The following CAMKMT variants were observed in gnomAD, a reference collection of about 807,000 sequenced individuals.
CAMKMT encodes calmodulin-lysine N-methyltransferase, also known as CaM KMT.
In CAMKMT, 53 loss-of-function variants were observed where a neutral mutation model predicts 48.0. The observed-to-expected ratio is 1.10, with a 90% CI of 0.89 to 1.39. The LOEUF (loss-of-function observed/expected upper bound fraction) is 1.39, where lower values mean the gene tolerates loss of function less well. CAMKMT is among the 40% of genes most tolerant of loss of function. The pLI is 0.00. For synonymous variants in CAMKMT, 165 were observed against 152.3 expected (o/e 1.08, Z -0.61); for missense variants, 428 against 402.7 (o/e 1.06, Z -0.54).
chr2:44,728,466 A>G (rs138792389), intron 7 of CAMKMT, among the ~76,000 whole-genome samples: 6 of 152,188 alleles, frequency 3.9e-5, no homozygotes, highest in African/African-American at 9.6e-5. Context: ...CTCCTCCTCA[A>G]TTTTTTGGAA....
intron 3 of CAMKMT, among the ~76,000 whole-genome samples, chr2:44,442,198 G>A (rs1331381942): frequency 2.0e-5 from 3 of 152,162 alleles, no homozygotes; most frequent in African/African-American, 7.2e-5. Context: ...GAATGAAAGA[G>A]AAGTATGTAT....
chr2:44,692,980 C>T (rs1317127329), intron 3 of CAMKMT, among the ~76,000 whole-genome samples: 2 of 152,164 alleles, frequency 1.3e-5, no homozygotes, highest in African/African-American at 4.8e-5. Context: ...CTTATTCATG[C>T]CATAAACCTA....
At chr2:44,615,710 G>A (rs933492316) in intron 3 of CAMKMT, among the ~76,000 whole-genome samples, 4 of 152,132 alleles carry the variant, frequency 2.6e-5, no homozygotes, top group African/African-American at 9.7e-5. Context: ...GTATTGTAAT[G>A]TGTTTTTTTA....
chr2:44,701,927 A>G (rs1286464874), intron 3 of CAMKMT, among the ~76,000 whole-genome samples: 1 of 152,130 alleles, frequency 6.6e-6, no homozygotes, highest in African/African-American at 2.4e-5. Context: ...GACGTCCAAA[A>G]TGTTAACAGT....
chr2:44,494,494 G>C (rs916230440), intron 3 of CAMKMT, among the ~76,000 whole-genome samples: 1 of 152,116 alleles, frequency 6.6e-6, no homozygotes, highest in Non-Finnish European at 1.5e-5. Context: ...CTGTTGCTAA[G>C]GGATAATGGT....
chr2:44,530,984 G>C (rs537038276), intron 3 of CAMKMT, among the ~76,000 whole-genome samples: 2 of 151,914 alleles, frequency 1.3e-5, no homozygotes, highest in Admixed American at 6.6e-5. Flanking sequence ...ATATGAACTT[G>C]CTGGGAGTCT....
At chr2:44,593,532 G>A (rs72882926) in intron 3 of CAMKMT, among the ~76,000 whole-genome samples, 2,170 of 152,160 alleles carry the variant, frequency 0.014, 43 homozygotes, top group African/African-American at 0.044. Context: ...GCCACAGCCC[G>A]GAATCTCTCT....
intron 3 of CAMKMT, among the ~76,000 whole-genome samples, chr2:44,446,069 A>T (rs1377817384): frequency 2.6e-5 from 4 of 152,034 alleles, no homozygotes; most frequent in African/African-American, 4.8e-5. Context: ...AGGGGTCGCT[A>T]GAGAACCTCT....
chr2:44,541,763 T>C (rs1181702175), intron 3 of CAMKMT, among the ~76,000 whole-genome samples: 1 of 145,766 alleles, frequency 6.9e-6, no homozygotes, highest in Admixed American at 6.9e-5. Context: ...AGAGTGAAAC[T>C]CTGTCTCAAA....
intron 3 of CAMKMT, among the ~76,000 whole-genome samples, chr2:44,619,361 G>C (rs1672054206): frequency 1.3e-5 from 2 of 152,188 alleles, no homozygotes; most frequent in South Asian, 2.1e-4. Flanking sequence ...TTGGTATTTA[G>C]TAGGGTTACC....
chr2:44,465,739 CAG>C (rs1417271096), intron 3 of CAMKMT, among the ~76,000 whole-genome samples: 1 of 152,130 alleles, frequency 6.6e-6, no homozygotes, highest in Non-Finnish European at 1.5e-5. Context: ...AATCAAAGAA[CAG>C]AGAGTAGCTG....
At chr2:44,431,596 G>A (rs1684653286) in intron 3 of CAMKMT, among the ~76,000 whole-genome samples, 1 of 152,074 alleles carries the variant, frequency 6.6e-6, no homozygotes, top group African/African-American at 2.4e-5. Flanking sequence ...CTCTTCTGAT[G>A]GAAAAAATGA....
At chr2:44,733,442 CTCTT>C (rs1358148747) in intron 7 of CAMKMT, among the ~76,000 whole-genome samples, 1 of 152,084 alleles carries the variant, frequency 6.6e-6, no homozygotes, top group Non-Finnish European at 1.5e-5. Flanking sequence ...TTTTGTATAT[CTCTT>C]TATACAGAAA....
intron 3 of CAMKMT, among the ~76,000 whole-genome samples, chr2:44,615,349 G>A (rs774638000): frequency 1.3e-5 from 2 of 152,122 alleles, no homozygotes; most frequent in Non-Finnish European, 2.9e-5. Flanking sequence ...ATTTGGGGCC[G>A]GGGAAGAGCA....
At chr2:44,616,446 AT>A (rs879376783) in intron 3 of CAMKMT, among the ~76,000 whole-genome samples, 137 of 150,974 alleles carry the variant, frequency 9.1e-4, no homozygotes, top group African/African-American at 3.0e-3. Flanking sequence ...CAAAACCCAC[AT>A]TTTTTTTTAC....
In CAMKMT at chr2:44,717,151, C is replaced by T. The variant is rs564890725; in HGVS notation, c.623+1798C>T. Among the ~76,000 whole-genome samples, 3 of 151,988 alleles carry T rather than the reference C, an allele frequency of 2.0e-5. No individual in the cohort carries two copies. In the East Asian group the frequency reaches 5.8e-4, roughly 29 times the overall value. ...TTCTATTTTTCTGTTCTCAAAAATGCTATTTCTAGATATATTGCTCTGATA... is the reference window on the plus strand; with the variant it reads ...TTCTATTTTTCTGTTCTCAAAAATGTTATTTCTAGATATATTGCTCTGATA... On this transcript the variant is annotated intron_variant, in intron 7 of 10. Transcript: ENST00000378494.
intron 3 of CAMKMT, among the ~76,000 whole-genome samples, chr2:44,562,486 A>T (rs1668374708): frequency 6.6e-6 from 1 of 152,128 alleles, no homozygotes; most frequent in Non-Finnish European, 1.5e-5. Context: ...CTATTTCACA[A>T]ATGATGAAAC....
intron 3 of CAMKMT, among the ~76,000 whole-genome samples, chr2:44,680,868 G>C: frequency 6.6e-6 from 1 of 152,244 alleles, no homozygotes; most frequent in Middle Eastern, 3.4e-3. Flanking sequence ...AAAAGTATGC[G>C]CCACTAAACT....
chr2:44,451,319 A>C (rs1207784451), intron 3 of CAMKMT, among the ~76,000 whole-genome samples: 1 of 152,030 alleles, frequency 6.6e-6, no homozygotes, highest in Non-Finnish European at 1.5e-5. Context: ...AATAGTTTTC[A>C]TTTCTGATAC....
Sources: allele counts gnomAD v4.1 joint callset (sites outside exome capture counted in the v4.1 genomes callset), GRCh38; gene constraint gnomAD v4.1.1; transcripts MANE v1.5; gene names NCBI Gene and HGNC (gene_info 2026-07-23, HGNC 2026-07-21).